RRBP1: variants seen among roughly 807,000 people sequenced by gnomAD.
RRBP1 encodes ribosome binding protein 1.
In RRBP1, 94 loss-of-function variants were observed where a neutral mutation model predicts 165.2. That is an observed-to-expected ratio of 0.57 (90% CI 0.48 to 0.68). The LOEUF (loss-of-function observed/expected upper bound fraction) is 0.68. RRBP1 is among the 30% of genes least tolerant of loss of function. The pLI, the probability that RRBP1 is intolerant of heterozygous loss-of-function variation, is 0.00. For synonymous variants in RRBP1, 680 were observed against 714.5 expected (o/e 0.95, Z 0.77); for missense variants, 1,676 against 1,763.0 (o/e 0.95, Z 0.88).
chr20:17,662,173 G>A (rs1468136920), intron 2 of RRBP1, among the ~76,000 whole-genome samples: 1 of 151,896 alleles, frequency 6.6e-6, no homozygotes, highest in Non-Finnish European at 1.5e-5. Flanking sequence ...TGAGGCAGGA[G>A]AATGGGATGA....
At chr20:17,669,767 G>C (rs892466316) in intron 2 of RRBP1, among the ~76,000 whole-genome samples, 1 of 152,016 alleles carries the variant, frequency 6.6e-6, no homozygotes, top group Non-Finnish European at 1.5e-5. Context: ...GCTGGTATAC[G>C]GAAACGTAAC....
chr20:17,662,976 G>A (rs1045324504), intron 2 of RRBP1, among the ~76,000 whole-genome samples: 5 of 152,042 alleles, frequency 3.3e-5, no homozygotes, highest in Non-Finnish European at 7.4e-5. Flanking sequence ...TGGAGTTCAA[G>A]GCCAACCCAG....
Position 17,664,192 on chromosome 20 carries a change from C to G in RRBP1, c.-21-3664G>C, listed in dbSNP as rs150922833. ...AGTAAGGGTGACTCAAACACACGCA[C>G]TGTGATACCAGACAGTGGATCTGAA... On this transcript the variant is annotated intron_variant, in intron 2 of 24. Coordinates refer to ENST00000377813, the MANE Select transcript of RRBP1 (RefSeq NM_001365613.2). Among the ~76,000 whole-genome samples the G allele has an allele frequency of 3.3e-4, 51 of 152,328 alleles. No individual in the cohort carries two copies. The East Asian group carries it at 9.6e-3, about 29-fold the overall frequency.
At chr20:17,638,860 T>G (rs2036295220) in intron 5 of RRBP1, among the ~76,000 whole-genome samples, 1 of 152,048 alleles carries the variant, frequency 6.6e-6, no homozygotes, top group African/African-American at 2.4e-5. Context: ...TTGAGGACTG[T>G]AGAGAGCCCT....
Position 17,651,670 on chromosome 20 carries a change from G to T in RRBP1, c.1912+6926C>A, listed in dbSNP as rs576241196. 3.2e-3 allele frequency among the ~76,000 whole-genome samples: 494 copies of T among 152,328 alleles called. 6 individuals carry two copies. Among genetic ancestry groups the T allele is most frequent in the African/African-American group, 0.011 (473 of 41,552 alleles). On this transcript the variant is annotated intron_variant, in intron 3 of 24. Transcript: ENST00000377813. ...CCCCCCGCCCCTCCACCCCCGGGAA[G>T]CGGATGGTGATTGGGATGGAGCAAA...
chr20:17,614,092 A>C lies in RRBP1; in HGVS notation c.*90T>G. ...GAGCTACCGGAAGTTGGGCCTGGAT[A>C]ACGCTGTGTAGGTTGGTTGGTTTAT... On this transcript the variant is annotated 3_prime_UTR_variant, in exon 25 of 25. Coordinates refer to ENST00000377813, the MANE Select transcript of RRBP1 (RefSeq NM_001365613.2). The C allele has an allele frequency of 7.5e-7, 1 of 1,326,068 alleles. No homozygotes were observed. The highest frequency in any genetic ancestry group is 1.2e-5 in the South Asian group (1 of 84,572). 82.1% of individuals were successfully genotyped at this position (1,326,068 alleles called of 1,614,324 possible). A position where few individuals can be genotyped will look rare whatever the true frequency, so the allele number is the denominator to read the frequency against.
rs1235365205 is a variant in RRBP1 at position 17,616,823 on chromosome 20, C to G, written c.3776G>C (p.Ser1259Thr). ...ATCCTCTACGTGGCTCTTCATTTCA[C>G]TCAACTGCTGCCTGACCTGGAACAG... Reference protein sequence around the residue: ...DELALVRQQLSEMKSHVEDGD... With the variant: ...DELALVRQQLTEMKSHVEDGD... Residue 1259 changes from serine to threonine, a missense_variant, in exon 21 of 25, where the codon AGT (serine) becomes ACT (threonine). Coordinates refer to ENST00000377813, the MANE Select transcript of RRBP1 (RefSeq NM_001365613.2). 6.2e-7 allele frequency: 1 copy of G among 1,613,148 alleles called. No individual in the cohort carries two copies. The highest frequency in any genetic ancestry group is 1.3e-5 in the African/African-American group (1 of 74,910).
intron 3 of RRBP1, among the ~76,000 whole-genome samples, chr20:17,651,773 A>C (rs2036563677): frequency 6.6e-6 from 1 of 152,250 alleles, no homozygotes; most frequent in Non-Finnish European, 1.5e-5. Context: ...TGTAATAATA[A>C]ATTGTAAAAG....
At position 17,659,858 on chromosome 20, in the gene RRBP1, T is replaced by C; in HGVS notation, c.650A>G (p.Asn217Ser). ...GGTTCCCTCTGCCTTTCTGCCCTGGTTTGGGGCTCCTTCAGCCTTTTTGCT... is the reference window on the plus strand; with the variant it reads ...GGTTCCCTCTGCCTTTCTGCCCTGGCTTGGGGCTCCTTCAGCCTTTTTGCT... ...NQSKKAEGAPNQGRKAEGTPN... is the reference protein window; with the variant it reads ...NQSKKAEGAPSQGRKAEGTPN... Residue 217 changes from asparagine (N) to serine (S), a missense_variant, in exon 3 of 25, where the codon AAC becomes AGC. Physicochemically the swap from Asn to Ser is conservative, Grantham distance 46. Transcript: ENST00000377813. 1.9e-6 allele frequency: 3 copies of C among 1,551,842 alleles called. No individual in the cohort carries two copies. The highest frequency in any genetic ancestry group is 2.6e-6 in the Non-Finnish European group (3 of 1,147,094).
intron 11 of RRBP1, among the ~76,000 whole-genome samples, chr20:17,625,913 G>A (rs1482103438): frequency 6.6e-6 from 1 of 152,094 alleles, no homozygotes; most frequent in Non-Finnish European, 1.5e-5. Flanking sequence ...GAGCTCTCCT[G>A]GGGCCCTCAC....
chr20:17,621,963 G>C lies in RRBP1; in HGVS notation c.3148-16C>G, dbSNP rs780689789. The C allele has an allele frequency of 1.9e-5, 31 of 1,597,112 alleles. No homozygotes were observed. Among genetic ancestry groups the C allele is most frequent in the Non-Finnish European group, 2.7e-5 (31 of 1,165,996 alleles). On this transcript the variant is annotated splice_polypyrimidine_tract_variant and intron_variant, in intron 13 of 24. Transcript: ENST00000377813. ...CCGATTCCTCCTGGGGGGTGGGTGGGGAAGAGCGGAAGGTGTTCAGCTGTG... is the reference window on the plus strand; with the variant it reads ...CCGATTCCTCCTGGGGGGTGGGTGGCGAAGAGCGGAAGGTGTTCAGCTGTG...
At chr20:17,666,663 G>T (rs1446064887) in intron 2 of RRBP1, among the ~76,000 whole-genome samples, 3 of 152,140 alleles carry the variant, frequency 2.0e-5, no homozygotes, top group Admixed American at 6.5e-5. Flanking sequence ...TGGCTTAACA[G>T]AGCTGGCTGA....
intron 2 of RRBP1, among the ~76,000 whole-genome samples, chr20:17,669,307 AACAGACCT>A (rs2036930248): frequency 6.6e-6 from 1 of 152,226 alleles, no homozygotes; most frequent in South Asian, 2.1e-4. Flanking sequence ...TAGGTACTTA[AACAGACCT>A]AAATCTTCTG....
In RRBP1 at chr20:17,659,508, C is replaced by T; in HGVS notation, c.1000G>A (p.Gly334Arg). ...GAQNQGKKAE[G>R]AQNQGKKAEG... is the part of the protein sequence containing the mutation. ...GCCTTCTTGCCCTGATTCTGGGCCC[C>T]CTCGGCCTTCTTGCCCTGGTTCTGG... Residue 334 changes from glycine to arginine, a missense_variant, in exon 3 of 25, where the codon GGG becomes AGG. Coordinates refer to ENST00000377813, the MANE Select transcript of RRBP1 (RefSeq NM_001365613.2). 1 of 1,547,538 alleles carries T rather than the reference C, an allele frequency of 6.5e-7. No homozygotes were observed. The highest frequency in any genetic ancestry group is 8.7e-7 in the Non-Finnish European group (1 of 1,146,144).
intron 2 of RRBP1, among the ~76,000 whole-genome samples, chr20:17,678,910 T>G (rs2037129372): frequency 1.3e-5 from 2 of 152,202 alleles, no homozygotes; most frequent in Non-Finnish European, 2.9e-5. Flanking sequence ...GAAAAATACC[T>G]TCAGCACTGC....
chr20:17,640,467 C>T (rs570232791), intron 5 of RRBP1, among the ~76,000 whole-genome samples: 46 of 152,220 alleles, frequency 3.0e-4, no homozygotes, highest in African/African-American at 1.1e-3. Context: ...GCCTGGGGGG[C>T]AGACTTAGGT....
chr20:17,673,967 T>C (rs947926880), intron 2 of RRBP1, among the ~76,000 whole-genome samples: 2 of 152,256 alleles, frequency 1.3e-5, no homozygotes, highest in Admixed American at 1.3e-4. Context: ...CTTTCCTTTC[T>C]AATTACTACA....
At chr20:17,628,306 C>G (rs58103551) in intron 9 of RRBP1, among the ~76,000 whole-genome samples, 2 of 152,178 alleles carry the variant, frequency 1.3e-5, no homozygotes, top group Non-Finnish European at 2.9e-5. Flanking sequence ...AACGCAAACC[C>G]AACATCCCGA....
intron 5 of RRBP1, among the ~76,000 whole-genome samples, 175 bp from the exon 6 acceptor site, chr20:17,636,904 A>AG (rs1181719589): frequency 3.2e-4 from 49 of 152,334 alleles, no homozygotes; most frequent in Non-Finnish European, 5.3e-4. Flanking sequence ...ACGACAGACA[A>AG]CAAGGGATCC....
Sources: allele counts gnomAD v4.1 joint callset (sites outside exome capture counted in the v4.1 genomes callset), GRCh38; gene constraint gnomAD v4.1.1; transcripts MANE v1.5; gene names NCBI Gene and HGNC (gene_info 2026-07-23, HGNC 2026-07-21).